MAGI2: variants seen among roughly 807,000 people sequenced by gnomAD.
MAGI2 encodes membrane-associated guanylate kinase, WW and PDZ domain-containing protein 2.
A neutral mutation model predicts 133.3 loss-of-function variants in MAGI2; 35 were observed. The ratio of observed to expected loss-of-function variants is 0.26; its 90% CI spans 0.20 to 0.35. MAGI2 has a LOEUF of 0.35. Among genes scored for constraint, MAGI2 ranks in the 10% least tolerant of loss-of-function variants. The pLI is 1.00. For missense variants in MAGI2, 1,636 were observed against 1,863.4 expected (o/e 0.88, Z 2.25); for synonymous variants, 729 against 710.6 (o/e 1.03, Z -0.41).
At chr7:78,312,047 G>T (rs78662190) in intron 9 of MAGI2, among the ~76,000 whole-genome samples, 71 of 152,152 alleles carry the variant, frequency 4.7e-4, no homozygotes, top group African/African-American at 1.6e-3. Context: ...GGGATTACAG[G>T]CATAAACCAC....
rs576344710 is a variant in MAGI2, at chr7:78,416,233, A to G, written c.1046-47020T>C. Among the ~76,000 whole-genome samples the G allele has an allele frequency of 3.3e-5, 5 of 152,266 alleles. No individual in the cohort carries two copies. The East Asian group carries it at 9.7e-4, about 29-fold the overall frequency. ...GGAGGGATGCAAATGATTCCTACAG[A>G]CAATGGTATGATGAGAGGCAGGTGC... On this transcript the variant is annotated intron_variant, in intron 6 of 21. Transcript: ENST00000354212.
At chr7:78,182,095 G>A (rs2150694985) in intron 13 of MAGI2, among the ~76,000 whole-genome samples, 1 of 152,224 alleles carries the variant, frequency 6.6e-6, no homozygotes, top group Admixed American at 6.5e-5. Flanking sequence ...TAAAACATAA[G>A]TACCATGGCT....
chr7:78,637,407 C>A (rs543215994), intron 2 of MAGI2, among the ~76,000 whole-genome samples: 1 of 150,980 alleles, frequency 6.6e-6, no homozygotes, highest in East Asian at 2.0e-4. Flanking sequence ...TATAGCTCAC[C>A]AGCAGTGATA....
chr7:78,474,134 G>C (rs1259061615), intron 6 of MAGI2, among the ~76,000 whole-genome samples: 2 of 151,816 alleles, frequency 1.3e-5, no homozygotes, highest in East Asian at 3.9e-4. Flanking sequence ...CCCATATGCT[G>C]ATATGACTAT....
chr7:78,092,806 A>T (rs567026148), intron 20 of MAGI2, among the ~76,000 whole-genome samples: 1 of 152,304 alleles, frequency 6.6e-6, no homozygotes, highest in East Asian at 1.9e-4. Flanking sequence ...TTTCAAAAGG[A>T]GACTTTCCCA....
intron 1 of MAGI2, among the ~76,000 whole-genome samples, chr7:79,075,780 A>C (rs1815411272): frequency 6.6e-6 from 1 of 152,126 alleles, no homozygotes; most frequent in African/African-American, 2.4e-5. Flanking sequence ...ATCATTAAAA[A>C]TCTTGCCTCT....
chr7:79,170,135 T>C (rs1319574439), intron 1 of MAGI2, among the ~76,000 whole-genome samples: 1 of 134,416 alleles, frequency 7.4e-6, no homozygotes, highest in Non-Finnish European at 1.6e-5. Context: ...TGAGATATTA[T>C]ACTTTTTTTT....
At chr7:78,437,427 A>G (rs746848191) in intron 6 of MAGI2, among the ~76,000 whole-genome samples, 12 of 152,252 alleles carry the variant, frequency 7.9e-5, no homozygotes, top group Admixed American at 1.3e-4. Flanking sequence ...GATTCTAAAT[A>G]GAAAGCAGTG....
chr7:78,357,916 A>G (rs959194825), intron 7 of MAGI2, among the ~76,000 whole-genome samples: 4 of 151,782 alleles, frequency 2.6e-5, no homozygotes, highest in African/African-American at 9.7e-5. Context: ...AACTCAGTCT[A>G]TGTAATATAA....
intron 1 of MAGI2, among the ~76,000 whole-genome samples, chr7:79,058,866 T>G (rs1419707800): frequency 6.6e-6 from 1 of 152,202 alleles, no homozygotes; most frequent in East Asian, 1.9e-4. Flanking sequence ...GTAAATTACT[T>G]TTCCTCTCTA....
chr7:78,753,027 C>CA, intron 2 of MAGI2, among the ~76,000 whole-genome samples: 2 of 152,078 alleles, frequency 1.3e-5, no homozygotes, highest in East Asian at 1.9e-4. Flanking sequence ...CCTGCTAAAA[C>CA]AAAAAATAAA....
At chr7:79,438,801 A>C (rs902338522) in intron 1 of MAGI2, among the ~76,000 whole-genome samples, 8 of 152,018 alleles carry the variant, frequency 5.3e-5, no homozygotes, top group African/African-American at 1.9e-4. Flanking sequence ...TCTCCTCCAT[A>C]AGTGAGTGAA....
At chr7:78,799,825 C>A (rs1021820401) in intron 2 of MAGI2, among the ~76,000 whole-genome samples, 10 of 152,074 alleles carry the variant, frequency 6.6e-5, no homozygotes, top group African/African-American at 2.4e-4. Flanking sequence ...TGCCAATTAC[C>A]AGCTCCCTGT....
At chr7:78,647,818 A>T (rs1025905442) in intron 2 of MAGI2, among the ~76,000 whole-genome samples, 14 of 152,198 alleles carry the variant, frequency 9.2e-5, no homozygotes, top group African/African-American at 3.4e-4. Flanking sequence ...ATGCAGCCAT[A>T]AAAAAGGATG....
chr7:78,944,740 T>A (rs1801275770), intron 2 of MAGI2, among the ~76,000 whole-genome samples: 1 of 151,474 alleles, frequency 6.6e-6, no homozygotes, highest in Non-Finnish European at 1.5e-5. Context: ...TTTATTTATT[T>A]ACTTATTTAT....
At chr7:79,216,670 C>A (rs1439618075) in intron 1 of MAGI2, among the ~76,000 whole-genome samples, 1 of 152,052 alleles carries the variant, frequency 6.6e-6, no homozygotes, top group Non-Finnish European at 1.5e-5. Flanking sequence ...GAGCCACACC[C>A]CTGTTGCATG....
At chr7:78,095,675 A>G (rs1817631442) in intron 20 of MAGI2, among the ~76,000 whole-genome samples, 1 of 152,114 alleles carries the variant, frequency 6.6e-6, no homozygotes, top group Non-Finnish European at 1.5e-5. Context: ...CCTCATGGAG[A>G]ATGGGGTGGG....
chr7:79,171,770 A>ATATTTTTTTTTTTTTTTT, intron 1 of MAGI2, among the ~76,000 whole-genome samples: 4 of 31,222 alleles, frequency 1.3e-4, no homozygotes, highest in African/African-American at 1.9e-4. Flanking sequence ...ATATATATAT[A>ATATTTTTTTTTTTTTTTT]TTTTTTTTTT....
chr7:78,699,606 A>G (rs1817864013), intron 2 of MAGI2, among the ~76,000 whole-genome samples: 1 of 152,170 alleles, frequency 6.6e-6, no homozygotes, highest in South Asian at 2.1e-4. Context: ...CATTCAGGAT[A>G]AGGTGTACTC....
Sources: allele counts gnomAD v4.1 joint callset (sites outside exome capture counted in the v4.1 genomes callset), GRCh38; gene constraint gnomAD v4.1.1; transcripts MANE v1.5; gene names NCBI Gene and HGNC (gene_info 2026-07-23, HGNC 2026-07-21).